Variants in ABRAXAS2 observed in about 807,000 individuals in gnomAD.
ABRAXAS2 encodes BRISC complex subunit Abraxas 2.
Under a neutral mutation model 49.0 loss-of-function variants are expected in ABRAXAS2, and 23 were observed. The observed-to-expected ratio is 0.47, with a 90% CI of 0.34 to 0.66. The LOEUF is 0.66. Ranked by LOEUF, ABRAXAS2 falls within the 30% of genes least tolerant of loss-of-function variation. The pLI is 0.01. For synonymous variants in ABRAXAS2, 168 were observed against 180.2 expected (o/e 0.93, Z 0.54); for missense variants, 443 against 511.9 (o/e 0.87, Z 1.30).
chr10:124,821,510 G>C (rs1358830144), intron 4 of ABRAXAS2, among the ~76,000 whole-genome samples: 1 of 151,826 alleles, frequency 6.6e-6, no homozygotes, highest in African/African-American at 2.4e-5. Flanking sequence ...AGTTTGCAGT[G>C]AGCTGAGATT....
chr10:124,834,486 C>T lies in ABRAXAS2; in HGVS notation c.779-16C>T. On this transcript the variant is annotated splice_polypyrimidine_tract_variant and intron_variant, in intron 8 of 8. Coordinates refer to ENST00000298492, the MANE Select transcript of ABRAXAS2 (RefSeq NM_032182.4). ...AGAATCTAGAAAGTGTTAGAATATT[C>T]TTTGTTTTCATCCAGGATTGCAGCA... The T allele has an allele frequency of 1.3e-6, 2 of 1,597,898 alleles. No individual in the cohort carries two copies.
In ABRAXAS2 at chr10:124,834,687, C is replaced by T. The variant is rs1202886819; in HGVS notation, c.964C>T (p.His322Tyr). The T allele has an allele frequency of 1.9e-6, 3 of 1,614,044 alleles. No individual in the cohort carries two copies. The highest frequency in any genetic ancestry group is 3.3e-5 in the Admixed American group (2 of 60,002). Reference protein sequence around the residue: ...HPNNQESTLSHSRMERSVFMP... With the variant: ...HPNNQESTLSYSRMERSVFMP... ...AAACAATCAAGAAAGTACTTTGAGC[C>T]ACTCTCGCATGGAAAGGAGTGTCTT... Residue 322 changes from histidine to tyrosine, a missense_variant, in exon 9 of 9, where the codon CAC (histidine) becomes TAC (tyrosine). By Grantham distance (83) the His-to-Tyr change is moderately conservative. Transcript: ENST00000298492.
At chr10:124,820,504 T>TG in intron 4 of ABRAXAS2, among the ~76,000 whole-genome samples, 1 of 152,252 alleles carries the variant, frequency 6.6e-6, no homozygotes, top group South Asian at 2.1e-4. Flanking sequence ...TTTTTTGAGA[T>TG]GGAGTCTGGC....
At position 124,816,624 on chromosome 10, in the gene ABRAXAS2, G is replaced by A; in HGVS notation, c.200+12G>A. On this transcript the variant is annotated intron_variant, in intron 3 of 8. Transcript: ENST00000298492. ...TCAAAACTTTTTAGGTAAGCCATAT[G>A]TAAGCTTTTAGTCCTTACTAAAAGG... 6.3e-7 allele frequency: 1 copy of A among 1,592,670 alleles called. No individual in the cohort carries two copies. Among genetic ancestry groups the A allele is most frequent in the South Asian group, 1.1e-5 (1 of 90,448 alleles).
At position 124,836,630 on chromosome 10, in the gene ABRAXAS2, G is replaced by A. The variant is rs1479573151; in HGVS notation, c.*1659G>A. On this transcript the variant is annotated 3_prime_UTR_variant, in exon 9 of 9. Transcript: ENST00000298492. The stretch of plus-strand genomic sequence containing the variant: ...AAATCTACAATGTATATCTGACAAA[G>A]CAGTTAAATGTGACAATAAAAAACT... 1.3e-5 allele frequency: 2 copies of A among 152,542 alleles called. No homozygotes were observed. The highest frequency in any genetic ancestry group is 2.9e-5 in the Non-Finnish European group (2 of 68,044). 9.4% of individuals were successfully genotyped at this position (152,542 alleles called of 1,614,324 possible).
intron 3 of ABRAXAS2, among the ~76,000 whole-genome samples, chr10:124,817,600 CT>C (rs1254428647): frequency 4.6e-5 from 7 of 152,148 alleles, no homozygotes; most frequent in Admixed American, 3.9e-4. Flanking sequence ...TCAGCAGTTC[CT>C]TCCGTAACGC....
chr10:124,832,884 A>G (rs7091707), intron 8 of ABRAXAS2, among the ~76,000 whole-genome samples: 8,569 of 151,838 alleles, frequency 0.056, 783 homozygotes, highest in African/African-American at 0.19. Context: ...ATGCTGGCTC[A>G]CACGTGTAAT....
At chr10:124,830,520 A>G (rs1589810979) in intron 7 of ABRAXAS2, among the ~76,000 whole-genome samples, 1 of 152,176 alleles carries the variant, frequency 6.6e-6, no homozygotes, top group South Asian at 2.1e-4. Context: ...GAAAAAGAGG[A>G]AAACAGGCTG....
At position 124,831,845 on chromosome 10, in the gene ABRAXAS2, T is replaced by A. The variant is rs1354939396; in HGVS notation, c.778+382T>A. 1.7e-3 allele frequency among the ~76,000 whole-genome samples: 48 copies of A among 27,808 alleles called. 1 individual carries two copies. Among genetic ancestry groups the A allele is most frequent in the Middle Eastern group, 0.026 (2 of 78 alleles). 18.2% of individuals were successfully genotyped at this position (27,808 alleles called of 152,430 possible). On this transcript the variant is annotated intron_variant, in intron 8 of 8. Transcript: ENST00000298492. ...GCAGGTAGGCACTGTGTCCTGTCTT[T>A]TTTTTTTTTTTTTTTTTTTTTTTTT...
intron 2 of ABRAXAS2, among the ~76,000 whole-genome samples, chr10:124,815,585 A>C (rs934946606): frequency 3.9e-5 from 6 of 152,154 alleles, no homozygotes; most frequent in African/African-American, 1.4e-4. Context: ...TCTCTAGGAG[A>C]ATGTGATTAA....
At chr10:124,817,408 A>G (rs1161290392) in intron 3 of ABRAXAS2, among the ~76,000 whole-genome samples, 1 of 152,044 alleles carries the variant, frequency 6.6e-6, no homozygotes, top group African/African-American at 2.4e-5. Flanking sequence ...ACTTCCCCCC[A>G]AACCACCACC....
rs1950961538 is a variant in ABRAXAS2, at chr10:124,835,071, AC to A, written c.*102del. ...TGGGGGGAGAACTGCTTTCTCAGAT[AC>A]CTTAACTCCCGAGAAGAGAGTCCTT... On this transcript the variant is annotated 3_prime_UTR_variant, in exon 9 of 9. Coordinates refer to ENST00000298492, the MANE Select transcript of ABRAXAS2 (RefSeq NM_032182.4). 1 of 878,884 alleles carries A rather than the reference AC, an allele frequency of 1.1e-6. No individual in the cohort carries two copies. The highest frequency in any genetic ancestry group is 1.7e-6 in the Non-Finnish European group (1 of 579,948). 54.4% of individuals were successfully genotyped at this position (878,884 alleles called of 1,614,324 possible).
chr10:124,817,052 A>G (rs1322641502), intron 3 of ABRAXAS2, among the ~76,000 whole-genome samples: 1 of 152,206 alleles, frequency 6.6e-6, no homozygotes, highest in East Asian at 1.9e-4. Flanking sequence ...CGTGGCTAGT[A>G]CTGAACCCTA....
intron 2 of ABRAXAS2, among the ~76,000 whole-genome samples, chr10:124,815,370 A>G (rs1311307973): frequency 6.6e-6 from 1 of 151,504 alleles, no homozygotes; most frequent in Admixed American, 6.6e-5. Flanking sequence ...AATTTTTTGT[A>G]TTTTTGGTGG....
intron 2 of ABRAXAS2, among the ~76,000 whole-genome samples, chr10:124,815,364 T>G (rs1226555236): frequency 6.6e-6 from 1 of 151,946 alleles, no homozygotes; most frequent in Non-Finnish European, 1.5e-5. Context: ...CTGGCTAATT[T>G]TTTGTATTTT....
In ABRAXAS2 at chr10:124,836,137, T is replaced by G. The variant is rs1165785592; in HGVS notation, c.*1166T>G. On this transcript the variant is annotated 3_prime_UTR_variant, in exon 9 of 9. Coordinates refer to ENST00000298492, the MANE Select transcript of ABRAXAS2 (RefSeq NM_032182.4). ...TTTGGAAACAGCAAGACCCACCATT[T>G]ATGACAAGGACAGCCATGAGGTTAA... The G allele has an allele frequency of 1.3e-5, 2 of 152,612 alleles. No individual in the cohort carries two copies. The highest frequency in any genetic ancestry group is 2.9e-5 in the Non-Finnish European group (2 of 68,032). The allele number at this position is 152,612 out of a possible 1,614,324, so 9.5% of individuals were successfully genotyped here. A position where few individuals can be genotyped will look rare whatever the true frequency, so the allele number is the denominator to read the frequency against.
At chr10:124,810,381 G>A (rs1950779154) in intron 2 of ABRAXAS2, among the ~76,000 whole-genome samples, 1 of 152,088 alleles carries the variant, frequency 6.6e-6, no homozygotes, top group African/African-American at 2.4e-5. Flanking sequence ...TTTATAATTA[G>A]CCAGGCGTGG....
intron 2 of ABRAXAS2, among the ~76,000 whole-genome samples, chr10:124,813,214 A>G (rs1164622326): frequency 6.6e-6 from 1 of 152,192 alleles, no homozygotes; most frequent in Non-Finnish European, 1.5e-5. Context: ...AACAACAAAA[A>G]AGAATATCAC....
At chr10:124,817,777 T>C (rs1950834838) in intron 3 of ABRAXAS2, among the ~76,000 whole-genome samples, 1 of 152,142 alleles carries the variant, frequency 6.6e-6, no homozygotes, top group Non-Finnish European at 1.5e-5. Context: ...TATTGATTGC[T>C]TCAGAGAATT....
Sources: gnomAD v4.1 joint callset for allele counts (sites outside exome capture counted in the v4.1 genomes callset) on GRCh38, gnomAD v4.1.1 for gene constraint, MANE v1.5 for transcripts, NCBI Gene and HGNC (gene_info 2026-07-23, HGNC 2026-07-21) for gene names.